Variants in LHFPL7 observed in about 807,000 individuals in gnomAD.
LHFPL7 encodes LHFPL tetraspan subfamily member 7, also known as LHFPL tetraspan subfamily member 7 protein.
the LHFPL7 span, among the ~76,000 whole-genome samples, chr22:24,944,695 C>T: frequency 6.6e-6 from 1 of 151,802 alleles, no homozygotes; most frequent in South Asian, 2.1e-4. Flanking sequence ...GCTGGGGCTA[C>T]AGGCATGCAC....
At chr22:24,938,211 G>A in the LHFPL7 span, 1 of 1,614,184 alleles carries the variant, frequency 6.2e-7, no homozygotes, top group Non-Finnish European at 8.5e-7. Flanking sequence ...CCCTTTGGGG[G>A]CCACAGCCCA....
At chr22:24,938,084 C>T in the LHFPL7 span, 1 of 1,551,124 alleles carries the variant, frequency 6.4e-7, no homozygotes, top group Non-Finnish European at 8.7e-7. Flanking sequence ...TTCATTCATT[C>T]ATTCATTCAT....
chr22:24,939,449 G>A, the LHFPL7 span: 1 of 703,102 alleles, frequency 1.4e-6, no homozygotes, highest in South Asian at 1.5e-5. Flanking sequence ...AGAAGGTCGG[G>A]GTCTGGAACC....
At chr22:24,939,884 T>TTTCATTTG in the LHFPL7 span, among the ~76,000 whole-genome samples, 2 of 151,334 alleles carry the variant, frequency 1.3e-5, no homozygotes, top group Non-Finnish European at 2.9e-5. Flanking sequence ...CCGTGCATAC[T>TTTCATTTG]TTCATTTGTT....
chr22:24,943,096 G>A, the LHFPL7 span, among the ~76,000 whole-genome samples: 13 of 151,730 alleles, frequency 8.6e-5, no homozygotes, highest in East Asian at 2.3e-3. Context: ...GGGTTTTTTT[G>A]GTGGTGGTGG....
the LHFPL7 span, chr22:24,938,147 A>G: frequency 3.7e-6 from 6 of 1,612,380 alleles, no homozygotes; most frequent in African/African-American, 8.0e-5. Flanking sequence ...CATTGGATTT[A>G]CCTGCCACTG....
the LHFPL7 span, among the ~76,000 whole-genome samples, chr22:24,936,788 C>T: frequency 3.3e-5 from 5 of 152,272 alleles, no homozygotes; most frequent in South Asian, 1.0e-3. Context: ...AGAAGCTTGC[C>T]TTAACCCATG....
the LHFPL7 span, chr22:24,937,998 G>A: frequency 8.3e-7 from 1 of 1,200,626 alleles, no homozygotes; most frequent in East Asian, 2.6e-5. Flanking sequence ...CTTGCCAAAG[G>A]ACCAGGAATA....
chr22:24,939,240 G>A, the LHFPL7 span: 1 of 693,402 alleles, frequency 1.4e-6, no homozygotes, highest in Non-Finnish European at 2.6e-6. Context: ...AGGCAGTGAG[G>A]AAAGCCTCCT....
chr22:24,945,030 G>A, the LHFPL7 span, among the ~76,000 whole-genome samples: 3 of 152,028 alleles, frequency 2.0e-5, no homozygotes, highest in Admixed American at 6.6e-5. Context: ...GGCTGGTGTC[G>A]ATCTCTTGAC....
At chr22:24,935,503 C>T in the LHFPL7 span, 6 of 1,613,826 alleles carry the variant, frequency 3.7e-6, no homozygotes, top group Admixed American at 5.0e-5. Flanking sequence ...CACTTCCCAC[C>T]ATAATACATG....
the LHFPL7 span, among the ~76,000 whole-genome samples, chr22:24,943,967 C>T: frequency 6.6e-6 from 1 of 152,198 alleles, no homozygotes; most frequent in Non-Finnish European, 1.5e-5. Context: ...ATTCATTCAA[C>T]TTTAATGTGC....
the LHFPL7 span, among the ~76,000 whole-genome samples, chr22:24,942,894 T>TAA: frequency 1.5e-5 from 1 of 65,038 alleles, no homozygotes; most frequent in Non-Finnish European, 3.0e-5. Context: ...GGGGATAAAG[T>TAA]GTGTGTGTGT....
the LHFPL7 span, chr22:24,935,732 T>C: frequency 8.4e-7 from 1 of 1,189,382 alleles, no homozygotes. Context: ...ATTTATTGGC[T>C]CATCTCTCCT....
At chr22:24,938,305 G>A in the LHFPL7 span, 1 of 1,612,368 alleles carries the variant, frequency 6.2e-7, no homozygotes, top group East Asian at 2.2e-5. Context: ...GAAGAGACAG[G>A]AGGAAAATTG....
At chr22:24,940,218 G>A in the LHFPL7 span, among the ~76,000 whole-genome samples, 2 of 147,800 alleles carry the variant, frequency 1.4e-5, no homozygotes, top group Non-Finnish European at 3.0e-5. Flanking sequence ...GAGCCACCGC[G>A]CACGGCCTAT....
the LHFPL7 span, chr22:24,935,684 C>T: frequency 6.7e-7 from 1 of 1,481,848 alleles, no homozygotes; most frequent in Non-Finnish European, 9.1e-7. Context: ...CTTTATCCAC[C>T]CATCCATCTA....
the LHFPL7 span, among the ~76,000 whole-genome samples, chr22:24,944,862 T>C: frequency 6.6e-6 from 1 of 151,740 alleles, no homozygotes; most frequent in Non-Finnish European, 1.5e-5. Context: ...CAGGCTGGAG[T>C]ACAATGGCGC....
chr22:24,943,556 T>C, the LHFPL7 span, among the ~76,000 whole-genome samples: 4 of 152,160 alleles, frequency 2.6e-5, no homozygotes, highest in Non-Finnish European at 5.9e-5. Flanking sequence ...GGCCACCTGA[T>C]GCGATAGATA....
Sources: gnomAD v4.1 joint callset for allele counts (sites outside exome capture counted in the v4.1 genomes callset) on GRCh38, gnomAD v4.1.1 for gene constraint, MANE v1.5 for transcripts, NCBI Gene and HGNC (gene_info 2026-07-23, HGNC 2026-07-21) for gene names.